The following SUGCT variants were observed in gnomAD, a reference collection of about 807,000 sequenced individuals.
SUGCT encodes the protein succinyl-CoA:glutarate CoA-transferase.
A neutral mutation model predicts 55.0 loss-of-function variants in SUGCT; 41 were observed. The observed-to-expected ratio is 0.74, with a 90% CI of 0.58 to 0.97. The LOEUF (loss-of-function observed/expected upper bound fraction) is 0.97. Ranked by LOEUF, SUGCT falls within the 50% of genes least tolerant of loss-of-function variation. The pLI, the probability that SUGCT is intolerant of heterozygous loss-of-function variation, is 0.00. For missense variants in SUGCT, 568 were observed against 547.8 expected, an observed-to-expected ratio of 1.04 and a Z score of -0.37; for synonymous variants, 187 against 200.4, an observed-to-expected ratio of 0.93 and a Z score of 0.56.
intron 11 of SUGCT, among the ~76,000 whole-genome samples, chr7:40,475,005 G>A (rs1790585867): frequency 6.6e-6 from 1 of 152,172 alleles, no homozygotes. Context: ...GAGTAACAGA[G>A]TTCACTTAAT....
At chr7:40,290,709 T>C (rs1004079535) in intron 8 of SUGCT, among the ~76,000 whole-genome samples, 1 of 151,702 alleles carries the variant, frequency 6.6e-6, no homozygotes, top group Non-Finnish European at 1.5e-5. Context: ...ACCATCAGAG[T>C]GAACAGGCAA....
At chr7:40,922,611 G>A in the SUGCT span, among the ~76,000 whole-genome samples, 7 of 152,180 alleles carry the variant, frequency 4.6e-5, no homozygotes, top group Non-Finnish European at 1.0e-4. Flanking sequence ...AACAATGACT[G>A]TAGCTTCTCT....
intron 13 of SUGCT, among the ~76,000 whole-genome samples, chr7:40,776,843 G>C (rs559317887): frequency 6.6e-6 from 1 of 152,132 alleles, no homozygotes; most frequent in Non-Finnish European, 1.5e-5. Flanking sequence ...CTTGGCTTTG[G>C]AGAACCCTTC....
At chr7:40,433,604 G>A (rs1010028332) in intron 9 of SUGCT, among the ~76,000 whole-genome samples, 1 of 152,150 alleles carries the variant, frequency 6.6e-6, no homozygotes, top group Non-Finnish European at 1.5e-5. Context: ...TTTGTGCCAA[G>A]TAAACCTACT....
intron 13 of SUGCT, among the ~76,000 whole-genome samples, chr7:40,833,300 C>T (rs1792792183): frequency 6.7e-6 from 1 of 148,228 alleles, no homozygotes; most frequent in African/African-American, 2.5e-5. Flanking sequence ...AGGAAGTTTC[C>T]CTGCTTGGAA....
At chr7:40,442,828 T>A (rs1446366444) in intron 9 of SUGCT, among the ~76,000 whole-genome samples, 1 of 152,172 alleles carries the variant, frequency 6.6e-6, no homozygotes, top group Non-Finnish European at 1.5e-5. Flanking sequence ...ACCCATTAAC[T>A]CGTCATTTAC....
intron 12 of SUGCT, among the ~76,000 whole-genome samples, chr7:40,594,581 G>A (rs1342891453): frequency 6.6e-6 from 1 of 152,150 alleles, no homozygotes; most frequent in Non-Finnish European, 1.5e-5. Flanking sequence ...AAAATGAGGA[G>A]TCTGAGTCAA....
intron 12 of SUGCT, among the ~76,000 whole-genome samples, chr7:40,621,433 G>A (rs1376465724): frequency 6.6e-6 from 1 of 152,164 alleles, no homozygotes; most frequent in African/African-American, 2.4e-5. Flanking sequence ...AGGCTTGAAC[G>A]CACAAAGTCT....
chr7:40,988,866 T>C, the SUGCT span, among the ~76,000 whole-genome samples: 1 of 148,298 alleles, frequency 6.7e-6, no homozygotes. Flanking sequence ...TAAATAAATA[T>C]ATTTCTAGCA....
intron 12 of SUGCT, among the ~76,000 whole-genome samples, chr7:40,635,778 G>A (rs1799996426): frequency 6.6e-6 from 1 of 152,136 alleles, no homozygotes; most frequent in Non-Finnish European, 1.5e-5. Flanking sequence ...GCTGAATTTT[G>A]TTTTCTCCCA....
intron 6 of SUGCT, among the ~76,000 whole-genome samples, chr7:40,226,817 T>G (rs900766903): frequency 1.3e-5 from 2 of 151,922 alleles, no homozygotes; most frequent in African/African-American, 4.8e-5. Context: ...CACTTAAAAA[T>G]TTATTGGCCC....
intron 13 of SUGCT, among the ~76,000 whole-genome samples, chr7:40,819,567 T>C (rs1791869198): frequency 6.6e-6 from 1 of 152,240 alleles, no homozygotes; most frequent in Non-Finnish European, 1.5e-5. Flanking sequence ...TTTTGAGAAG[T>C]GTCTGTTCAT....
At chr7:40,236,785 G>T (rs75141223) in intron 6 of SUGCT, among the ~76,000 whole-genome samples, 2,463 of 152,060 alleles carry the variant, frequency 0.016, 57 homozygotes, top group African/African-American at 0.057. Context: ...GGCAATACTC[G>T]ACTCTAATTG....
the SUGCT span, among the ~76,000 whole-genome samples, chr7:40,907,126 TGTGTGTGTGTGTGTGA>T: frequency 2.8e-3 from 219 of 78,770 alleles, 1 homozygote; most frequent in African/African-American, 8.7e-3. Flanking sequence ...TGTGTGTGTG[TGTGTGTGTGTGTGTGA>T]GAGAGAGAGA....
At chr7:40,949,708 G>A in the SUGCT span, among the ~76,000 whole-genome samples, 1 of 152,166 alleles carries the variant, frequency 6.6e-6, no homozygotes, top group African/African-American at 2.4e-5. Context: ...TTATTAAATA[G>A]GGAATCCTTT....
intron 12 of SUGCT, among the ~76,000 whole-genome samples, chr7:40,590,120 T>A (rs1797630310): frequency 6.6e-6 from 1 of 152,208 alleles, no homozygotes; most frequent in Non-Finnish European, 1.5e-5. Context: ...TTGATGTTAC[T>A]GTAGTAATTA....
intron 8 of SUGCT, among the ~76,000 whole-genome samples, chr7:40,292,211 A>G (rs1388281761): frequency 6.6e-6 from 1 of 152,146 alleles, no homozygotes; most frequent in African/African-American, 2.4e-5. Context: ...TTGCTGGTGG[A>G]GTTGTACTTA....
chr7:40,505,191 T>C (rs1583851909), intron 12 of SUGCT, among the ~76,000 whole-genome samples: 1 of 152,314 alleles, frequency 6.6e-6, no homozygotes, highest in East Asian at 1.9e-4. Context: ...TTCTCTTTCA[T>C]GGTGGTTGAT....
At chr7:40,141,149 A>G (rs940538880) in intron 1 of SUGCT, among the ~76,000 whole-genome samples, 1 of 150,064 alleles carries the variant, frequency 6.7e-6, no homozygotes, top group African/African-American at 2.4e-5. Context: ...CGGGTAGAAC[A>G]TTATTGGTGA....
Sources: allele counts gnomAD v4.1 joint callset (sites outside exome capture counted in the v4.1 genomes callset), GRCh38; gene constraint gnomAD v4.1.1; transcripts MANE v1.5; gene names NCBI Gene and HGNC (gene_info 2026-07-23, HGNC 2026-07-21).